Variants in SLC19A3 observed in about 807,000 individuals in gnomAD.
The protein encoded by SLC19A3 is thiamine transporter 2.
A neutral mutation model predicts 40.2 loss-of-function variants in SLC19A3; 31 were observed. The observed-to-expected ratio is 0.77, with a 90% CI of 0.58 to 1.04. The LOEUF (loss-of-function observed/expected upper bound fraction) is 1.04, where lower values mean the gene tolerates loss of function less well. Ranked by LOEUF, SLC19A3 falls within the 50% of genes least tolerant of loss-of-function variation. SLC19A3 has a pLI of 0.00. For missense variants in SLC19A3, 592 were observed against 596.7 expected, an observed-to-expected ratio of 0.99 and a Z score of 0.08; for synonymous variants, 212 against 227.5, an observed-to-expected ratio of 0.93 and a Z score of 0.61.
intron 4 of SLC19A3, among the ~76,000 whole-genome samples, chr2:227,694,258 T>G (rs1318086589): frequency 6.6e-6 from 1 of 152,120 alleles, no homozygotes; most frequent in Non-Finnish European, 1.5e-5. Context: ...CCACCTGCTT[T>G]GGCCTCCCAA....
intron 3 of SLC19A3, 93 bp downstream of exon 3, chr2:227,698,643 C>G: frequency 8.9e-7 from 1 of 1,119,208 alleles, no homozygotes; most frequent in Non-Finnish European, 1.4e-6. Context: ...TCCTTCTGAA[C>G]AGAGCTAATT....
intron 1 of SLC19A3, among the ~76,000 whole-genome samples, chr2:227,715,848 A>G (rs777765568): frequency 2.7e-5 from 4 of 150,828 alleles, no homozygotes; most frequent in African/African-American, 4.9e-5. Flanking sequence ...TAGTTGGGAG[A>G]CTGAAGTGGG....
chr2:227,686,459 C>G lies in SLC19A3; in HGVS notation c.*938G>C, dbSNP rs1032672143. ...ATGGCCTCCCAAGTAGCTGAGACTA[C>G]AGGCACACACCACGCTGCCCAGCTA... On this transcript the variant is annotated 3_prime_UTR_variant, in exon 6 of 6. Transcript: ENST00000644224. The G allele has an allele frequency of 1.9e-5, 3 of 154,792 alleles. No individual in the cohort carries two copies. The highest frequency in any genetic ancestry group is 1.3e-4 in the Admixed American group (2 of 15,324). 9.6% of individuals were successfully genotyped at this position (154,792 alleles called of 1,614,324 possible).
At chr2:227,716,140 T>G (rs1696327561) in intron 1 of SLC19A3, among the ~76,000 whole-genome samples, 1 of 152,130 alleles carries the variant, frequency 6.6e-6, no homozygotes, top group Non-Finnish European at 1.5e-5. Flanking sequence ...ATTTTACAAC[T>G]CTGTAAATTT....
At chr2:227,706,059 T>A (rs1426068593) in intron 1 of SLC19A3, among the ~76,000 whole-genome samples, 1 of 149,500 alleles carries the variant, frequency 6.7e-6, no homozygotes. Flanking sequence ...AAAAAAAAAA[T>A]GCAGAAGAAA....
At chr2:227,700,987 C>G (rs1695664515) in intron 2 of SLC19A3, 1 of 1,304,132 alleles carries the variant, frequency 7.7e-7, no homozygotes, top group Non-Finnish European at 1.0e-6. Flanking sequence ...CTGAGCTGCT[C>G]CTTGGAGGGA....
At position 227,687,296 on chromosome 2, in the gene SLC19A3, A is replaced by C. The variant is rs1695051427; in HGVS notation, c.*101T>G. 4 of 1,257,952 alleles carry C rather than the reference A, an allele frequency of 3.2e-6. No homozygotes were observed. The highest frequency in any genetic ancestry group is 4.4e-6 in the Non-Finnish European group (4 of 900,784). 77.9% of individuals were successfully genotyped at this position (1,257,952 alleles called of 1,614,324 possible). On this transcript the variant is annotated 3_prime_UTR_variant, in exon 6 of 6. Coordinates refer to ENST00000644224, the MANE Select transcript of SLC19A3 (RefSeq NM_025243.4). ...AAGGTCCATTGGAATCCAGATTTGCAAAGCATGTCAAGTTATGGCAAAACA... is the reference window on the plus strand; with the variant it reads ...AAGGTCCATTGGAATCCAGATTTGCCAAGCATGTCAAGTTATGGCAAAACA...
Position 227,689,086 on chromosome 2 carries a change from C to T in SLC19A3, c.1173-779G>A, listed in dbSNP as rs373291258. On this transcript the variant is annotated intron_variant, in intron 4 of 5. Coordinates refer to ENST00000644224, the MANE Select transcript of SLC19A3 (RefSeq NM_025243.4). ...ATTTAAAAATACAGTCAGGAGACAACAGAAAAAAGAAGAATGAGGCACACC... is the reference window on the plus strand; with the variant it reads ...ATTTAAAAATACAGTCAGGAGACAATAGAAAAAAGAAGAATGAGGCACACC... 2.6e-5 allele frequency among the ~76,000 whole-genome samples: 4 copies of T among 151,666 alleles called. No individual in the cohort carries two copies. In the South Asian group the frequency reaches 6.2e-4, roughly 24 times the overall value.
chr2:227,688,458 A>C (rs897832302), intron 4 of SLC19A3, 151 bp from the exon 5 acceptor site: 8 of 686,998 alleles, frequency 1.2e-5, no homozygotes, highest in Non-Finnish European at 2.0e-5. Flanking sequence ...TCTGGAAGAA[A>C]GTAAAGGAAA....
rs552482776 is a variant in SLC19A3, at chr2:227,694,171, T to C, written c.1172+1718A>G. Among the ~76,000 whole-genome samples the C allele has an allele frequency of 1.3e-3, 201 of 152,260 alleles. 2 individuals carry two copies. Among genetic ancestry groups the C allele is most frequent in the Non-Finnish European group, 4.4e-5 (3 of 68,022 alleles). On this transcript the variant is annotated intron_variant, in intron 4 of 5. Coordinates refer to ENST00000644224, the MANE Select transcript of SLC19A3 (RefSeq NM_025243.4). ...ACAGGTTCTCACCACCATGCCCAGC[T>C]AATTTTTGTATTTTTAGTAGATACG...
At chr2:227,700,740 TG>T (rs1695653315) in intron 2 of SLC19A3, among the ~76,000 whole-genome samples, 1 of 152,174 alleles carries the variant, frequency 6.6e-6, no homozygotes, top group African/African-American at 2.4e-5. Flanking sequence ...ACCTTCCCCC[TG>T]CTCCCCCTAA....
At chr2:227,713,116 A>C (rs549417843) in intron 1 of SLC19A3, among the ~76,000 whole-genome samples, 2 of 152,276 alleles carry the variant, frequency 1.3e-5, no homozygotes, top group African/African-American at 4.8e-5. Context: ...GTTAAATCTT[A>C]ATCCCAGGCT....
chr2:227,716,975 G>A (rs1013963956), intron 1 of SLC19A3, among the ~76,000 whole-genome samples: 6 of 143,190 alleles, frequency 4.2e-5, no homozygotes, highest in Non-Finnish European at 9.1e-5. Context: ...ATTGATAGGA[G>A]CAAAACACAT....
chr2:227,711,203 A>G (rs1696123127), intron 1 of SLC19A3, among the ~76,000 whole-genome samples: 1 of 152,124 alleles, frequency 6.6e-6, no homozygotes, highest in Non-Finnish European at 1.5e-5. Context: ...AGATCACCTC[A>G]GGTCAGGAGT....
chr2:227,698,645 G>T, intron 3 of SLC19A3, 91 bp downstream of exon 3: 1 of 1,123,766 alleles, frequency 8.9e-7, no homozygotes, highest in Non-Finnish European at 1.4e-6. Flanking sequence ...CTTCTGAACA[G>T]AGCTAATTCG....
chr2:227,715,909 C>G (rs1479830752), intron 1 of SLC19A3, among the ~76,000 whole-genome samples: 2 of 135,206 alleles, frequency 1.5e-5, no homozygotes, highest in African/African-American at 5.4e-5. Context: ...GAGATCCCAG[C>G]CACTGCACTC....
intron 4 of SLC19A3, among the ~76,000 whole-genome samples, chr2:227,694,472 CCA>C (rs953744553): frequency 6.6e-6 from 1 of 152,086 alleles, no homozygotes; most frequent in African/African-American, 2.4e-5. Context: ...TGATTTTTTC[CCA>C]GAGTGCTCAT....
chr2:227,690,706 CAAAAAAAAAAA>C (rs34163746), intron 4 of SLC19A3, among the ~76,000 whole-genome samples: 416 of 39,170 alleles, frequency 0.011, 6 homozygotes, highest in African/African-American at 0.038. Flanking sequence ...GACTCCATCT[CAAAAAAAAAAA>C]AAAAAAAAAA....
At chr2:227,717,065 C>T (rs1426399347) in intron 1 of SLC19A3, among the ~76,000 whole-genome samples, 1 of 127,408 alleles carries the variant, frequency 7.8e-6, no homozygotes, top group Non-Finnish European at 1.6e-5. Context: ...TGCAGTGGTG[C>T]AATCTTGGCT....
Sources: gnomAD v4.1 joint callset for allele counts (sites outside exome capture counted in the v4.1 genomes callset) on GRCh38, gnomAD v4.1.1 for gene constraint, MANE v1.5 for transcripts, NCBI Gene and HGNC (gene_info 2026-07-23, HGNC 2026-07-21) for gene names.